Variants in GTF2A2 observed in about 807,000 individuals in gnomAD.
The protein encoded by GTF2A2 is general transcription factor IIA subunit 2.
GTF2A2 carries 9 observed loss-of-function variants against 14.3 expected under a neutral mutation model. That is an observed-to-expected ratio of 0.63 (90% CI 0.38 to 1.10). The LOEUF (loss-of-function observed/expected upper bound fraction) is 1.10, where lower values mean the gene tolerates loss of function less well. GTF2A2 is among the 50% of genes least tolerant of loss of function. The probability of loss-of-function intolerance (pLI) is 0.01; values close to 1 mark genes in which losing one functional copy is unlikely to be tolerated. For missense variants in GTF2A2, 90 were observed against 124.6 expected (o/e 0.72, Z 1.32); for synonymous variants, 56 against 46.0 (o/e 1.22, Z -0.88).
At chr15:59,652,036 C>T (rs578170823) in intron 2 of GTF2A2, 170 bp downstream of exon 2, 2 of 543,306 alleles carry the variant, frequency 3.7e-6, no homozygotes, top group Admixed American at 7.2e-5. Flanking sequence ...GTCCTGTTGT[C>T]AGGACAGTGT....
At chr15:59,649,981 A>C (rs1467489961) in intron 3 of GTF2A2, among the ~76,000 whole-genome samples, 1 of 152,224 alleles carries the variant, frequency 6.6e-6, no homozygotes. Context: ...ATATAAACAT[A>C]AAGTTAGATA....
rs192601744 is a variant in GTF2A2 at position 59,642,286 on chromosome 15, T to C, written c.178-24A>G. ...CCCTTTAAAACAAAACATTTAGAAA[T>C]ACCGTGAAACGTTTTTTCCCCTCAC... On this transcript the variant is annotated intron_variant, in intron 3 of 4. Coordinates refer to ENST00000396060, the MANE Select transcript of GTF2A2 (RefSeq NM_004492.3). The C allele has an allele frequency of 9.5e-4, 1,493 of 1,564,340 alleles. 2 individuals are homozygous for C. The highest frequency in any genetic ancestry group is 1.2e-3 in the Non-Finnish European group (1,426 of 1,157,230).
At chr15:59,646,993 T>C (rs768899606) in intron 3 of GTF2A2, among the ~76,000 whole-genome samples, 1 of 150,438 alleles carries the variant, frequency 6.6e-6, no homozygotes, top group Non-Finnish European at 1.5e-5. Context: ...TATATATATG[T>C]ATATACTATA....
chr15:59,652,278 G>A lies in GTF2A2; in HGVS notation c.-1C>T, dbSNP rs1186673600. 1.5e-5 allele frequency: 24 copies of A among 1,573,428 alleles called. No homozygotes were observed. The highest frequency in any genetic ancestry group is 2.1e-5 in the Non-Finnish European group (24 of 1,148,516). On this transcript the variant is annotated 5_prime_UTR_variant, in exon 2 of 5. Transcript: ENST00000396060. ...TATTTCTGTATAACTGATATGCCAT[G>A]GCTTAGGAGGAAGAATTTGTTTTTC... is the stretch of plus-strand genomic sequence containing the variant.
Position 59,650,885 on chromosome 15 carries a change from A to G in GTF2A2, c.73-112T>C, listed in dbSNP as rs1002353205. ...TTAACTGAGGTTAACCAAAGCCTCT[A>G]AACTAGAATTCCTTTATCTCCTTTG... On this transcript the variant is annotated intron_variant, in intron 2 of 4. Coordinates refer to ENST00000396060, the MANE Select transcript of GTF2A2 (RefSeq NM_004492.3). The G allele has an allele frequency of 8.1e-6, 5 of 620,698 alleles. No homozygotes were observed. The East Asian group carries it at 1.4e-4, about 17-fold the overall frequency. 38.4% of individuals were successfully genotyped at this position (620,698 alleles called of 1,614,324 possible). A position where few individuals can be genotyped will look rare whatever the true frequency, so the allele number is the denominator to read the frequency against.
chr15:59,655,646 G>GA (rs1891921306), intron 1 of GTF2A2, among the ~76,000 whole-genome samples: 1 of 152,068 alleles, frequency 6.6e-6, no homozygotes, highest in Non-Finnish European at 1.5e-5. Flanking sequence ...CATTCCTTAC[G>GA]GATAACATTT....
rs562707126 is a variant in GTF2A2 at position 59,638,767 on chromosome 15, A to C, written c.*365T>G. 2.3e-4 allele frequency: 38 copies of C among 165,932 alleles called. 1 individual carries two copies. The South Asian group carries it at 6.4e-3, about 28-fold the overall frequency. The allele number at this position is 165,932 out of a possible 1,614,324, so 10.3% of individuals were successfully genotyped here. ...GACAAAACATGACTTTATTGAAATA[A>C]GCATTCTGAAAGGGCATCATGTTCC... On this transcript the variant is annotated 3_prime_UTR_variant, in exon 5 of 5. Transcript: ENST00000396060.
intron 3 of GTF2A2, among the ~76,000 whole-genome samples, chr15:59,648,132 G>T (rs1371816725): frequency 6.6e-6 from 1 of 151,926 alleles, no homozygotes; most frequent in East Asian, 1.9e-4. Flanking sequence ...GTTATGGCCG[G>T]GTGCGGTACC....
chr15:59,642,354 C>T (rs754038295), intron 3 of GTF2A2, 92 bp from the exon 4 acceptor site: 1 of 1,126,584 alleles, frequency 8.9e-7, no homozygotes, highest in East Asian at 2.7e-5. Flanking sequence ...CTACCAAGAA[C>T]ATAATAAGTT....
At chr15:59,639,228 A>G (rs1891299917) in intron 4 of GTF2A2, 71 bp from the exon 5 acceptor site, 1 of 948,968 alleles carries the variant, frequency 1.1e-6, no homozygotes, top group Admixed American at 1.7e-5. Context: ...TAACTATTTT[A>G]AGACTATCAA....
At chr15:59,653,502 G>C (rs1193453123) in intron 1 of GTF2A2, among the ~76,000 whole-genome samples, 1 of 152,128 alleles carries the variant, frequency 6.6e-6, no homozygotes, top group Non-Finnish European at 1.5e-5. Flanking sequence ...TCATGTCACT[G>C]GATACCATTG....
intron 3 of GTF2A2, among the ~76,000 whole-genome samples, chr15:59,649,750 A>G (rs1428724556): frequency 1.3e-5 from 2 of 152,140 alleles, no homozygotes; most frequent in Admixed American, 6.5e-5. Flanking sequence ...GGCTTTGTCT[A>G]TCTTGTTCAT....
intron 3 of GTF2A2, among the ~76,000 whole-genome samples, chr15:59,647,016 CTATAATT>C (rs1174048445): frequency 1.3e-5 from 2 of 150,532 alleles, no homozygotes; most frequent in East Asian, 3.9e-4. Context: ...TACATATACT[CTATAATT>C]ATATAATTAC....
chr15:59,641,524 C>T (rs1479457291), intron 4 of GTF2A2, among the ~76,000 whole-genome samples: 2 of 152,024 alleles, frequency 1.3e-5, no homozygotes, highest in African/African-American at 2.4e-5. Flanking sequence ...GCTCTTAACA[C>T]AAATGGTTCA....
chr15:59,647,177 CA>C (rs1235777117), intron 3 of GTF2A2, among the ~76,000 whole-genome samples: 1 of 152,178 alleles, frequency 6.6e-6, no homozygotes, highest in Non-Finnish European at 1.5e-5. Context: ...ACTGCAGCCA[CA>C]ACCTCCTGGG....
In GTF2A2 at chr15:59,642,020, G is replaced by C. The variant is rs1055338524; in HGVS notation, c.304+116C>G. 7.6e-6 allele frequency: 6 copies of C among 793,498 alleles called. No homozygotes were observed. The East Asian group carries it at 8.0e-5, about 11-fold the overall frequency. The allele number at this position is 793,498 out of a possible 1,614,324, so 49.2% of individuals were successfully genotyped here. On this transcript the variant is annotated intron_variant, in intron 4 of 4. Transcript: ENST00000396060. ...GGAGATAAAAGCCTGGGCTTATCTG[G>C]GAATTGATCATAGGGCCATTTTACC...
At chr15:59,656,404 T>C (rs1891943456) in intron 1 of GTF2A2, among the ~76,000 whole-genome samples, 1 of 148,210 alleles carries the variant, frequency 6.7e-6, no homozygotes, top group Non-Finnish European at 1.5e-5. Context: ...ACTCTGGAAC[T>C]TTCCCGTACT....
rs566440984 is a variant in GTF2A2, at chr15:59,639,758, A to AT, written c.305-602dup. 2.7e-3 allele frequency among the ~76,000 whole-genome samples: 377 copies of AT among 138,612 alleles called. 3 individuals are homozygous for AT. The highest frequency in any genetic ancestry group is 9.2e-3 in the African/African-American group (337 of 36,592). The allele number at this position is 138,612 out of a possible 152,430, so 90.9% of individuals were successfully genotyped here. A position where few individuals can be genotyped will look rare whatever the true frequency, so the allele number is the denominator to read the frequency against. The stretch of plus-strand genomic sequence containing the variant: ...GAGGTGTGAGCCACCGTGCCTGGCA[A>AT]TTTTTTTTTAAAGACAGAGTCACAC... On this transcript the variant is annotated intron_variant, in intron 4 of 4. Coordinates refer to ENST00000396060, the MANE Select transcript of GTF2A2 (RefSeq NM_004492.3).
chr15:59,641,817 T>TTAAAG (rs1233201222), intron 4 of GTF2A2, among the ~76,000 whole-genome samples: 7 of 152,198 alleles, frequency 4.6e-5, no homozygotes, highest in Non-Finnish European at 8.8e-5. Context: ...AAATTATTCC[T>TTAAAG]TAAAGTAAAA....
Sources: gnomAD v4.1 joint callset for allele counts (sites outside exome capture counted in the v4.1 genomes callset) on GRCh38, gnomAD v4.1.1 for gene constraint, MANE v1.5 for transcripts, NCBI Gene and HGNC (gene_info 2026-07-23, HGNC 2026-07-21) for gene names.